The following ARID3A variants were observed in gnomAD, a reference collection of about 807,000 sequenced individuals.
The protein encoded by ARID3A is AT-rich interaction domain 3A.
A neutral mutation model predicts 52.7 loss-of-function variants in ARID3A; 11 were observed. The ratio of observed to expected loss-of-function variants is 0.21; its 90% CI spans 0.13 to 0.35. The LOEUF is 0.35. Among genes scored for constraint, ARID3A ranks in the 10% least tolerant of loss-of-function variants. The probability of loss-of-function intolerance (pLI) is 1.00; values close to 1 mark genes in which losing one functional copy is unlikely to be tolerated. For missense variants in ARID3A, 721 were observed against 838.5 expected, an observed-to-expected ratio of 0.86 and a Z score of 1.73; for synonymous variants, 404 against 359.4, an observed-to-expected ratio of 1.12 and a Z score of -1.40.
chr19:975,593 G>GC lies in ARID3A; in HGVS notation c.*3528_*3529insC. Reference sequence around the variant, plus strand: ...CACGCCTGAAACTCAGGTAATAGGAGGAAAAAAAAAAAAACTTAAAAAAAT... The same window carrying GC: ...CACGCCTGAAACTCAGGTAATAGGAGCGAAAAAAAAAAAAACTTAAAAAAAT... On this transcript the variant is annotated 3_prime_UTR_variant, in exon 9 of 9. Coordinates refer to ENST00000263620, the MANE Select transcript of ARID3A (RefSeq NM_005224.3). 5.8e-6 allele frequency: 1 copy of GC among 173,080 alleles called. No homozygotes were observed. Among genetic ancestry groups the GC allele is most frequent in the Non-Finnish European group, 1.2e-5 (1 of 82,036 alleles). 10.7% of individuals were successfully genotyped at this position (173,080 alleles called of 1,614,324 possible).
In ARID3A at chr19:960,308, CA is replaced by C; in HGVS notation, c.766+145del. 1 of 676,780 alleles carries C rather than the reference CA, an allele frequency of 1.5e-6. No homozygotes were observed. The highest frequency in any genetic ancestry group is 2.4e-6 in the Non-Finnish European group (1 of 417,280). 41.9% of individuals were successfully genotyped at this position (676,780 alleles called of 1,614,324 possible). Reference sequence around the variant, plus strand: ...AAGGCTCCTAAATCGGGAGGGACTTCAGGGGTGTCTTGGGGGGAAACACATC... The same window carrying C: ...AAGGCTCCTAAATCGGGAGGGACTTCGGGGTGTCTTGGGGGGAAACACATC... On this transcript the variant is annotated intron_variant, in intron 4 of 8. Coordinates refer to ENST00000263620, the MANE Select transcript of ARID3A (RefSeq NM_005224.3). The surrounding 1 kb of genome is among the most constrained non-coding windows in gnomAD (Gnocchi z 4.3).
chr19:974,369 G>A lies in ARID3A; in HGVS notation c.*2304G>A, dbSNP rs1053745879. 3.9e-5 allele frequency: 9 copies of A among 229,644 alleles called. No homozygotes were observed. Among genetic ancestry groups the A allele is most frequent in the East Asian group, 1.2e-4 (2 of 16,280 alleles). The allele number at this position is 229,644 out of a possible 1,614,324, so 14.2% of individuals were successfully genotyped here. On this transcript the variant is annotated 3_prime_UTR_variant, in exon 9 of 9. Coordinates refer to ENST00000263620, the MANE Select transcript of ARID3A (RefSeq NM_005224.3). ...GTAGCAGCACAATCACCCCGGGAAG[G>A]GGGTGTCTGTTTGCCTCCAGACACA...
chr19:930,028 C>T (rs1307798274), intron 2 of ARID3A, 132 bp downstream of exon 2: 30 of 1,330,752 alleles, frequency 2.3e-5, no homozygotes, highest in Non-Finnish European at 4.0e-6. Context: ...GTTTGAGAGG[C>T]CGACGTGGGA....
chr19:934,279 G>A (rs1408693892), intron 3 of ARID3A, among the ~76,000 whole-genome samples: 1 of 152,112 alleles, frequency 6.6e-6, no homozygotes, highest in Non-Finnish European at 1.5e-5. Flanking sequence ...CTGGACACAC[G>A]CCCCGCCCAG....
At chr19:945,594 C>T (rs369764328) in intron 3 of ARID3A, among the ~76,000 whole-genome samples, 5 of 152,194 alleles carry the variant, frequency 3.3e-5, no homozygotes, top group African/African-American at 1.2e-4. Flanking sequence ...GCAGAAGCTC[C>T]GGCCAGGTGT....
intron 3 of ARID3A, among the ~76,000 whole-genome samples, chr19:939,015 C>T (rs2037491563): frequency 6.7e-6 from 1 of 150,306 alleles, no homozygotes; most frequent in African/African-American, 2.5e-5. Context: ...ACTGCAACCT[C>T]TGCTTACTGG....
rs34643064 is a variant in ARID3A at position 941,779 on chromosome 19, C to CTGTGTGTGTGTGTG, written c.693+9053_693+9066dup. Among the ~76,000 whole-genome samples, 28 of 146,268 alleles carry CTGTGTGTGTGTGTG rather than the reference C, an allele frequency of 1.9e-4. 1 individual carries two copies. The highest frequency in any genetic ancestry group is 5.3e-4 in the African/African-American group (21 of 39,638). On this transcript the variant is annotated intron_variant, in intron 3 of 8. Transcript: ENST00000263620. This position sits in a 1 kb window ranked among gnomAD's most constrained non-coding sequence, Gnocchi z 6.9. ...TCTCTTGTGTTTTGTGTGGATGTGG[C>CTGTGTGTGTGTGTG]TGTGTGTGTGTGTGTGTGTGTGTGT...
At chr19:943,767 C>G (rs1181189455) in intron 3 of ARID3A, among the ~76,000 whole-genome samples, 4 of 152,168 alleles carry the variant, frequency 2.6e-5, no homozygotes, top group Non-Finnish European at 5.9e-5. Flanking sequence ...AGAGAAGAAA[C>G]CTCTGCTGAC....
intron 2 of ARID3A, among the ~76,000 whole-genome samples, 192 bp from the exon 3 acceptor site, chr19:932,226 A>C (rs147436397): frequency 6.6e-6 from 1 of 152,210 alleles, no homozygotes; most frequent in East Asian, 1.9e-4. Flanking sequence ...GTTCTGGGCT[A>C]ATTGGAAACA....
intron 3 of ARID3A, among the ~76,000 whole-genome samples, chr19:949,485 G>A (rs995784131): frequency 6.6e-6 from 1 of 152,120 alleles, no homozygotes; most frequent in African/African-American, 2.4e-5. Flanking sequence ...ACCAGCATTG[G>A]AGGAAGGAAA....
chr19:963,129 G>C (rs907497651), intron 4 of ARID3A, among the ~76,000 whole-genome samples: 3 of 152,172 alleles, frequency 2.0e-5, no homozygotes, highest in Admixed American at 1.3e-4. Flanking sequence ...ACCAGGCAGA[G>C]GGCCGGCTGC....
intron 3 of ARID3A, 119 bp downstream of exon 3, chr19:932,861 G>T: frequency 1.4e-6 from 2 of 1,480,864 alleles, no homozygotes; most frequent in Non-Finnish European, 1.8e-6. Context: ...AGAGCTGGGG[G>T]TTCCTGCGGT....
rs1229015966 is a variant in ARID3A at position 974,654 on chromosome 19, C to T, written c.*2589C>T. On this transcript the variant is annotated 3_prime_UTR_variant, in exon 9 of 9. Transcript: ENST00000263620. Reference sequence around the variant, plus strand: ...CTGCTGCATCTGGCGGCCCTGGACCCCTGGGGCCCCCGTGCACCTGCCCAC... The same window carrying T: ...CTGCTGCATCTGGCGGCCCTGGACCTCTGGGGCCCCCGTGCACCTGCCCAC... The T allele has an allele frequency of 4.3e-6, 1 of 230,402 alleles. No individual in the cohort carries two copies. The highest frequency in any genetic ancestry group is 2.2e-5 in the African/African-American group (1 of 45,062). The allele number at this position is 230,402 out of a possible 1,614,324, so 14.3% of individuals were successfully genotyped here. A position where few individuals can be genotyped will look rare whatever the true frequency, so the allele number is the denominator to read the frequency against.
intron 6 of ARID3A, 80 bp downstream of exon 6, chr19:965,160 C>T: frequency 6.9e-7 from 1 of 1,450,560 alleles, no homozygotes; most frequent in Non-Finnish European, 9.2e-7. Context: ...ATACCTCTTC[C>T]CCTCTCTGGG....
intron 1 of ARID3A, among the ~76,000 whole-genome samples, chr19:927,363 G>A (rs546566899): frequency 0.017 from 2,570 of 151,558 alleles, 71 homozygotes; most frequent in African/African-American, 0.058. Flanking sequence ...GGGTTATGGC[G>A]GCGATGGGGG....
At position 944,889 on chromosome 19, in the gene ARID3A, G is replaced by A. The variant is rs577686218; in HGVS notation, c.693+12147G>A. ...CGGGATGTCCCTGGGTCCTGCGGTCGCTCTCTGTCTCCATCTCTTCTTTCT... is the reference window on the plus strand; with the variant it reads ...CGGGATGTCCCTGGGTCCTGCGGTCACTCTCTGTCTCCATCTCTTCTTTCT... On this transcript the variant is annotated intron_variant, in intron 3 of 8. Coordinates refer to ENST00000263620, the MANE Select transcript of ARID3A (RefSeq NM_005224.3). This position sits in a 1 kb window ranked among gnomAD's most constrained non-coding sequence, Gnocchi z 5.9. 6.6e-6 allele frequency among the ~76,000 whole-genome samples: 1 copy of A among 152,256 alleles called. No individual in the cohort carries two copies. Among genetic ancestry groups the A allele is most frequent in the East Asian group, 1.9e-4 (1 of 5,186 alleles).
At chr19:926,891 C>A (rs542512282) in intron 1 of ARID3A, among the ~76,000 whole-genome samples, 1 of 152,216 alleles carries the variant, frequency 6.6e-6, no homozygotes, top group African/African-American at 2.4e-5. Context: ...GTTCCCCCCC[C>A]CATGCAAATC....
chr19:954,498 G>A (rs1458513620), intron 3 of ARID3A, among the ~76,000 whole-genome samples: 1 of 152,252 alleles, frequency 6.6e-6, no homozygotes, highest in Non-Finnish European at 1.5e-5. Flanking sequence ...CAACTGCTGT[G>A]TGCCCGATTT....
intron 8 of ARID3A, among the ~76,000 whole-genome samples, chr19:970,782 TA>T (rs1568376000): frequency 6.6e-6 from 1 of 151,972 alleles, no homozygotes; most frequent in African/African-American, 2.4e-5. Flanking sequence ...GGTAAATGAA[TA>T]GTTTTTCTTA....
Sources: gnomAD v4.1 joint callset for allele counts (sites outside exome capture counted in the v4.1 genomes callset) on GRCh38, gnomAD v4.1.1 for gene constraint, Gnocchi (gnomAD v3.1) non-coding constraint, MANE v1.5 for transcripts, NCBI Gene and HGNC (gene_info 2026-07-23, HGNC 2026-07-21) for gene names.